ADGRF4: variants seen among roughly 807,000 people sequenced by gnomAD.
ADGRF4 encodes the protein adhesion G protein-coupled receptor F4, also known as G-protein coupled receptor PGR18.
ADGRF4 carries 63 observed loss-of-function variants against 58.5 expected under a neutral mutation model. The observed-to-expected ratio is 1.08, with a 90% CI of 0.88 to 1.33. The LOEUF is 1.33. Among genes scored for constraint, ADGRF4 ranks in the 40% most tolerant of loss-of-function variants. The pLI is 0.00. For synonymous variants in ADGRF4, 313 were observed against 295.4 expected (o/e 1.06, Z -0.61); for missense variants, 931 against 843.9 (o/e 1.10, Z -1.28).
At chr6:47,704,340 A>G (rs1453866324) in intron 1 of ADGRF4, among the ~76,000 whole-genome samples, 1 of 152,100 alleles carries the variant, frequency 6.6e-6, no homozygotes, top group African/African-American at 2.4e-5. Context: ...AGCAGGTGCT[A>G]TTCTTTACAA....
At chr6:47,709,960 T>A (rs1243536832) in intron 3 of ADGRF4, among the ~76,000 whole-genome samples, 2 of 151,992 alleles carry the variant, frequency 1.3e-5, no homozygotes, top group Non-Finnish European at 2.9e-5. Context: ...AAGGCTGGAA[T>A]GTGTCTTATG....
chr6:47,712,400 T>G lies in ADGRF4; in HGVS notation c.344T>G (p.Ile115Arg). The G allele has an allele frequency of 6.2e-7, 1 of 1,613,928 alleles. No homozygotes were observed. The highest frequency in any genetic ancestry group is 8.5e-7 in the Non-Finnish European group (1 of 1,179,772). ...CGCCTTTCTGTAGCAGCACCATCTATACCTCTGCATATTCTAGACTTTCGA... is the reference window on the plus strand; with the variant it reads ...CGCCTTTCTGTAGCAGCACCATCTAGACCTCTGCATATTCTAGACTTTCGA... The part of the protein sequence containing the change: ...ASRLSVAAPS[I>R]PLHILDFRAP... Residue 115 changes from isoleucine (I) to arginine (R), a missense_variant, in exon 5 of 10, where the codon ATA becomes AGA. Physicochemically the swap from Ile to Arg is moderately conservative, Grantham distance 97. Coordinates refer to ENST00000283303, the MANE Select transcript of ADGRF4 (RefSeq NM_153838.5).
intron 9 of ADGRF4, among the ~76,000 whole-genome samples, chr6:47,719,717 T>A (rs924339919): frequency 1.3e-5 from 2 of 152,108 alleles, no homozygotes; most frequent in African/African-American, 4.8e-5. Context: ...AGGCCTTATC[T>A]CCACCTGGTT....
intron 1 of ADGRF4, among the ~76,000 whole-genome samples, chr6:47,699,754 T>C (rs754459673): frequency 1.3e-5 from 2 of 152,174 alleles, no homozygotes; most frequent in African/African-American, 4.8e-5. Flanking sequence ...ACTAAATAGA[T>C]TCTGCTATGA....
At position 47,719,263 on chromosome 6, in the gene ADGRF4, C is replaced by T. The variant is rs528717843; in HGVS notation, c.*3+818C>T. 1.3e-4 allele frequency among the ~76,000 whole-genome samples: 20 copies of T among 152,216 alleles called. No homozygotes were observed. The East Asian group carries it at 2.7e-3, about 21-fold the overall frequency. ...ACATCCATGTTACAGACCCTACAAA[C>T]CATATGCTGTGCTGGTATGGGATAC... is the stretch of plus-strand genomic sequence containing the variant. On this transcript the variant is annotated intron_variant, in intron 9 of 9. Transcript: ENST00000283303.
At chr6:47,710,703 G>A (rs1771839275) in intron 3 of ADGRF4, 32 bp from the exon 4 acceptor site, 1 of 1,537,862 alleles carries the variant, frequency 6.5e-7, no homozygotes, top group African/African-American at 1.5e-5. Flanking sequence ...TTGGGCTCCT[G>A]TCTCTCTCTC....
In ADGRF4 at chr6:47,715,140, C is replaced by T. The variant is rs1277646258; in HGVS notation, c.1895C>T (p.Thr632Met). The T allele has an allele frequency of 8.8e-6, 14 of 1,593,084 alleles. No homozygotes were observed. The highest frequency in any genetic ancestry group is 1.7e-4 in the Middle Eastern group (1 of 6,014). The part of the protein sequence containing the change: ...IATLIEGTSL[T>M]FHIIFALLNA... ...ACTCTCATAGAAGGCACTTCCTTGACGTTCCATATAATTTTTGCCTTGCTC... is the reference window on the plus strand; with the variant it reads ...ACTCTCATAGAAGGCACTTCCTTGATGTTCCATATAATTTTTGCCTTGCTC... The change falls in exon 6 of 10, where the codon ACG becomes ATG. Residue 632 changes from threonine (T) to methionine (M), a missense_variant. Transcript: ENST00000283303.
chr6:47,704,265 A>T (rs1307398516), intron 1 of ADGRF4, among the ~76,000 whole-genome samples: 1 of 152,078 alleles, frequency 6.6e-6, no homozygotes, highest in Admixed American at 6.5e-5. Flanking sequence ...GCTGGTCTCG[A>T]ACTCCTGACC....
At chr6:47,719,445 C>T (rs1172122333) in intron 9 of ADGRF4, among the ~76,000 whole-genome samples, 1 of 152,152 alleles carries the variant, frequency 6.6e-6, no homozygotes, top group African/African-American at 2.4e-5. Context: ...GAGACCTTTA[C>T]AAAAGTTGAC....
At chr6:47,703,661 A>G (rs1486497554) in intron 1 of ADGRF4, among the ~76,000 whole-genome samples, 1 of 152,256 alleles carries the variant, frequency 6.6e-6, no homozygotes, top group Non-Finnish European at 1.5e-5. Flanking sequence ...TTAATTAATC[A>G]AAACCCTTCA....
At chr6:47,719,418 T>A (rs546946490) in intron 9 of ADGRF4, among the ~76,000 whole-genome samples, 296 of 152,300 alleles carry the variant, frequency 1.9e-3, no homozygotes, top group Non-Finnish European at 3.0e-3. Flanking sequence ...ATTGTCCTCC[T>A]ATTTGGAATT....
rs1375163365 is a variant in ADGRF4 at position 47,714,421 on chromosome 6, C to T, written c.1176C>T (p.Ser392=). The T allele has an allele frequency of 1.2e-6, 2 of 1,614,098 alleles. No individual in the cohort carries two copies. The highest frequency in any genetic ancestry group is 1.3e-5 in the African/African-American group (1 of 75,024). Residue 392 remains serine, a synonymous_variant, in exon 6 of 10, where the codon TCC becomes TCT. Coordinates refer to ENST00000283303, the MANE Select transcript of ADGRF4 (RefSeq NM_153838.5). ...TGATGTCTTTTTCCATTCTCATGTC[C>T]TCCAAATCGATGACCGACAAAGTTC... The part of the protein sequence containing the change: ...SVVMSFSILM[S]SKSMTDKVLD...
At position 47,714,308 on chromosome 6, in the gene ADGRF4, A is replaced by C; in HGVS notation, c.1063A>C (p.Lys355Gln). Residue 355 changes from lysine to glutamine, a missense_variant, in exon 6 of 10, where the codon AAG becomes CAG. Transcript: ENST00000283303. ...AGCCCAGTGTGTTGGCTGGCACTCCAAGAAAAGGAGATGGGATGAGAAAGC... is the reference window on the plus strand; with the variant it reads ...AGCCCAGTGTGTTGGCTGGCACTCCCAGAAAAGGAGATGGGATGAGAAAGC... ...ARAQCVGWHS[K>Q]KRRWDEKACQ... 1 of 1,614,196 alleles carries C rather than the reference A, an allele frequency of 6.2e-7. No homozygotes were observed. Among genetic ancestry groups the C allele is most frequent in the Non-Finnish European group, 8.5e-7 (1 of 1,180,034 alleles).
At chr6:47,708,137 TTTTCATATTCATA>T in intron 2 of ADGRF4, 74 bp from the exon 3 acceptor site, 1 of 967,240 alleles carries the variant, frequency 1.0e-6, no homozygotes, top group Non-Finnish European at 1.6e-6. Context: ...ACACATTTTC[TTTTCATATTCATA>T]TGGAGCCTCT....
At chr6:47,718,316 A>G (rs1772078682) in intron 8 of ADGRF4, 73 bp from the exon 9 acceptor site, 2 of 824,746 alleles carry the variant, frequency 2.4e-6, no homozygotes, top group South Asian at 1.3e-5. Flanking sequence ...TCACATATTT[A>G]TCTCTAGAGA....
rs768842446 is a variant in ADGRF4 at position 47,710,717 on chromosome 6, C to G, written c.149-18C>G. The G allele has an allele frequency of 1.3e-5, 20 of 1,520,936 alleles. No individual in the cohort carries two copies. In the South Asian group the frequency reaches 2.3e-4, roughly 18 times the overall value. The allele number at this position is 1,520,936 out of a possible 1,614,324, so 94.2% of individuals were successfully genotyped here. The stretch of plus-strand genomic sequence containing the variant: ...ATTGGGCTCCTGTCTCTCTCTCTTT[C>G]TCTTTTTTTCTTTATAGAGAAATGC... On this transcript the variant is annotated intron_variant, in intron 3 of 9. Coordinates refer to ENST00000283303, the MANE Select transcript of ADGRF4 (RefSeq NM_153838.5).
At chr6:47,718,996 G>C (rs1772097040) in intron 9 of ADGRF4, among the ~76,000 whole-genome samples, 1 of 152,202 alleles carries the variant, frequency 6.6e-6, no homozygotes, top group African/African-American at 2.4e-5. Context: ...GAGGTACTGG[G>C]GGAATGTGGG....
intron 1 of ADGRF4, among the ~76,000 whole-genome samples, chr6:47,699,942 C>G (rs964081948): frequency 2.0e-5 from 3 of 151,158 alleles, no homozygotes; most frequent in Non-Finnish European, 4.4e-5. Flanking sequence ...CACCCCCCCC[C>G]CCAAAATGTG....
chr6:47,707,419 G>C (rs757286664), intron 2 of ADGRF4, 81 bp downstream of exon 2: 6 of 828,990 alleles, frequency 7.2e-6, no homozygotes, highest in African/African-American at 1.7e-5. Context: ...TAAATAAGAT[G>C]TCATTTTAAA....
Sources: gnomAD v4.1 joint callset for allele counts (sites outside exome capture counted in the v4.1 genomes callset) on GRCh38, gnomAD v4.1.1 for gene constraint, MANE v1.5 for transcripts, NCBI Gene and HGNC (gene_info 2026-07-23, HGNC 2026-07-21) for gene names.